The following ROR1 variants were observed in gnomAD, a reference collection of about 807,000 sequenced individuals.
ROR1 encodes the protein inactive tyrosine-protein kinase transmembrane receptor ROR1.
ROR1 carries 19 observed loss-of-function variants against 78.8 expected under a neutral mutation model. That is an observed-to-expected ratio of 0.24 (90% confidence interval 0.17 to 0.35). The LOEUF (loss-of-function observed/expected upper bound fraction) is 0.35. ROR1 is among the 10% of genes least tolerant of loss of function. The pLI is 1.00. For synonymous variants in ROR1, 386 were observed against 433.6 expected (o/e 0.89, Z 1.36); for missense variants, 917 against 1,177.8 (o/e 0.78, Z 3.24).
intron 4 of ROR1, among the ~76,000 whole-genome samples, chr1:64,131,347 C>T (rs181259050): frequency 6.0e-4 from 91 of 152,162 alleles, no homozygotes; most frequent in Admixed American, 1.4e-3. Context: ...TCACTGTCCC[C>T]GGCATTCCAT....
chr1:63,938,702 A>T (rs1383335249), intron 1 of ROR1, among the ~76,000 whole-genome samples: 1 of 152,190 alleles, frequency 6.6e-6, no homozygotes, highest in Non-Finnish European at 1.5e-5. Flanking sequence ...AATTTTTAAA[A>T]TTTGGAATTT....
At chr1:63,957,951 C>T (rs1645997177) in intron 1 of ROR1, among the ~76,000 whole-genome samples, 1 of 151,972 alleles carries the variant, frequency 6.6e-6, no homozygotes, top group Admixed American at 6.6e-5. Context: ...ACCATGTTGG[C>T]CAGGCTGGTC....
chr1:63,917,853 G>A (rs539988940), intron 1 of ROR1, among the ~76,000 whole-genome samples: 4 of 152,280 alleles, frequency 2.6e-5, no homozygotes, highest in East Asian at 1.9e-4. Flanking sequence ...TAATGACAGG[G>A]CCTCTGCAGG....
intron 1 of ROR1, among the ~76,000 whole-genome samples, chr1:63,978,649 G>T (rs1646182906): frequency 6.6e-6 from 1 of 152,110 alleles, no homozygotes; most frequent in Non-Finnish European, 1.5e-5. Flanking sequence ...TTTCACTTCT[G>T]GTTATATAAA....
intron 4 of ROR1, among the ~76,000 whole-genome samples, chr1:64,056,540 G>GTGGC (rs1243056563): frequency 4.0e-5 from 6 of 151,748 alleles, no homozygotes; most frequent in Admixed American, 3.9e-4. Context: ...GCCAGGTGTG[G>GTGGC]TGGCGAGCAT....
At chr1:64,091,507 G>A (rs527614082) in intron 4 of ROR1, among the ~76,000 whole-genome samples, 1 of 152,166 alleles carries the variant, frequency 6.6e-6, no homozygotes, top group African/African-American at 2.4e-5. Flanking sequence ...TGATCCCATT[G>A]TACCCTGGGA....
intron 4 of ROR1, among the ~76,000 whole-genome samples, chr1:64,114,989 G>A (rs1215169233): frequency 1.3e-5 from 2 of 152,040 alleles, no homozygotes; most frequent in Non-Finnish European, 2.9e-5. Flanking sequence ...TTTTTGAGAC[G>A]AGGTCTCACT....
At chr1:64,024,740 T>C (rs2100560882) in intron 2 of ROR1, among the ~76,000 whole-genome samples, 1 of 152,340 alleles carries the variant, frequency 6.6e-6, no homozygotes, top group South Asian at 2.1e-4. Context: ...GAGAATGTCC[T>C]ATTCTACTAC....
chr1:64,070,896 G>C (rs1256589879), intron 4 of ROR1, among the ~76,000 whole-genome samples: 1 of 152,158 alleles, frequency 6.6e-6, no homozygotes, highest in African/African-American at 2.4e-5. Flanking sequence ...GGTAGGAAAT[G>C]GGCAACTTTA....
At chr1:64,014,725 A>ATATATATATATATATATATG (rs1646503631) in intron 2 of ROR1, among the ~76,000 whole-genome samples, 1 of 43,378 alleles carries the variant, frequency 2.3e-5, no homozygotes, top group Non-Finnish European at 4.6e-5. Flanking sequence ...ATATATATAT[A>ATATATATATATATATATATG]TACACATACG....
At chr1:64,031,451 G>T (rs1206604744) in intron 2 of ROR1, among the ~76,000 whole-genome samples, 4 of 152,198 alleles carry the variant, frequency 2.6e-5, no homozygotes, top group Non-Finnish European at 5.9e-5. Context: ...ATGTTCTGAT[G>T]TAGCTGCCAT....
intron 1 of ROR1, among the ~76,000 whole-genome samples, chr1:63,936,831 CAA>C (rs1297780999): frequency 1.3e-5 from 2 of 152,130 alleles, no homozygotes; most frequent in African/African-American, 4.8e-5. Context: ...AAGTACTGAG[CAA>C]ATGTACAGTG....
intron 1 of ROR1, among the ~76,000 whole-genome samples, chr1:63,847,480 C>T (rs771019365): frequency 1.3e-5 from 2 of 152,044 alleles, no homozygotes; most frequent in African/African-American, 2.4e-5. Context: ...AGATTCATCT[C>T]CCAGAGACTC....
At chr1:63,801,254 A>G (rs1644795553) in intron 1 of ROR1, among the ~76,000 whole-genome samples, 1 of 152,162 alleles carries the variant, frequency 6.6e-6, no homozygotes, top group African/African-American at 2.4e-5. Flanking sequence ...TCTTCTACTC[A>G]TAACATGGAC....
chr1:64,153,253 T>C (rs912243201), intron 7 of ROR1, among the ~76,000 whole-genome samples: 1 of 152,074 alleles, frequency 6.6e-6, no homozygotes, highest in Non-Finnish European at 1.5e-5. Context: ...AATGCACTAT[T>C]AAAAAAATAG....
At chr1:63,976,764 G>A (rs1383074179) in intron 1 of ROR1, among the ~76,000 whole-genome samples, 10 of 152,100 alleles carry the variant, frequency 6.6e-5, no homozygotes, top group Non-Finnish European at 4.4e-5. Flanking sequence ...TGGGCCAGAA[G>A]TGTTTTGGAG....
At chr1:63,824,095 A>G (rs933934053) in intron 1 of ROR1, among the ~76,000 whole-genome samples, 1 of 152,228 alleles carries the variant, frequency 6.6e-6, no homozygotes, top group Non-Finnish European at 1.5e-5. Context: ...AATTAATACA[A>G]TGAGCAACTA....
intron 4 of ROR1, among the ~76,000 whole-genome samples, chr1:64,090,733 G>A (rs1647188948): frequency 6.6e-6 from 1 of 152,222 alleles, no homozygotes; most frequent in Non-Finnish European, 1.5e-5. Flanking sequence ...GAAAATCAAT[G>A]TGATGTCTTA....
intron 4 of ROR1, among the ~76,000 whole-genome samples, chr1:64,104,481 ATTC>A: frequency 6.7e-6 from 1 of 148,936 alleles, no homozygotes; most frequent in Non-Finnish European, 1.5e-5. Flanking sequence ...TGGGTAATAA[ATTC>A]TTTTTTTTTT....
Sources: gnomAD v4.1 joint callset for allele counts (sites outside exome capture counted in the v4.1 genomes callset) on GRCh38, gnomAD v4.1.1 for gene constraint, MANE v1.5 for transcripts, NCBI Gene and HGNC (gene_info 2026-07-23, HGNC 2026-07-21) for gene names.